Variants in CELSR2 observed in about 807,000 individuals in gnomAD.
CELSR2 encodes cadherin EGF LAG seven-pass G-type receptor 2, also known as EGF-like protein 2.
Under a neutral mutation model 251.6 loss-of-function variants are expected in CELSR2, and 81 were observed. That is an observed-to-expected ratio of 0.32 (90% confidence interval 0.27 to 0.39). CELSR2 has a LOEUF of 0.39. CELSR2 is among the 10% of genes least tolerant of loss of function. CELSR2 has a pLI of 1.00. For missense variants in CELSR2, 3,365 were observed against 3,947.7 expected (o/e 0.85, Z 3.96); for synonymous variants, 1,721 against 1,670.5 (o/e 1.03, Z -0.74).
chr1:109,262,765 C>A (rs1275768689), intron 6 of CELSR2, 41 bp from the exon 7 acceptor site: 1 of 1,598,248 alleles, frequency 6.3e-7, no homozygotes, highest in Admixed American at 1.7e-5. Context: ...ACCAGAAGCT[C>A]CCAGCCCTCC....
intron 24 of CELSR2, 79 bp from the exon 25 acceptor site, chr1:109,270,848 G>A (rs1656350154): frequency 1.8e-6 from 2 of 1,111,216 alleles, no homozygotes; most frequent in South Asian, 1.4e-5. Flanking sequence ...GCCTGGCCCT[G>A]TGAGCCCACC....
rs1175259244 is a variant in CELSR2, at chr1:109,264,462, G to T, written c.5298G>T (p.Arg1766=). ...GCTCCTGTCCCTCCCAGGGTGTGCG[G>T]GTGAGCGATACGCCGGAGGGGGTTA... ...RGFRGCLQGV[R]VSDTPEGVNS... The change falls in exon 11 of 34, where the codon CGG becomes CGT. Residue 1766 remains arginine, a synonymous_variant. Coordinates refer to ENST00000271332, the MANE Select transcript of CELSR2 (RefSeq NM_001408.3). 6.2e-7 allele frequency: 1 copy of T among 1,612,900 alleles called. No homozygotes were observed. Among genetic ancestry groups the T allele is most frequent in the Non-Finnish European group, 8.5e-7 (1 of 1,179,070 alleles).
At chr1:109,270,811 TG>T in intron 24 of CELSR2, 115 bp from the exon 25 acceptor site, 1 of 986,076 alleles carries the variant, frequency 1.0e-6, no homozygotes, top group Non-Finnish European at 1.5e-6. Flanking sequence ...GGGCCGATGG[TG>T]GGCAGAACCC....
chr1:109,256,950 G>A (rs900775179), intron 1 of CELSR2, among the ~76,000 whole-genome samples: 52 of 152,032 alleles, frequency 3.4e-4, no homozygotes, highest in African/African-American at 1.2e-3. Flanking sequence ...GAGCCACTGC[G>A]CCCGGCCCCC....
At chr1:109,260,961 G>A in intron 2 of CELSR2, 81 bp from the exon 3 acceptor site, 1 of 1,070,530 alleles carries the variant, frequency 9.3e-7, no homozygotes, top group East Asian at 2.4e-5. Context: ...GGCCATGGGA[G>A]CTATCACTGG....
intron 15 of CELSR2, among the ~76,000 whole-genome samples, chr1:109,266,874 C>T (rs1656211144): frequency 6.7e-6 from 1 of 150,344 alleles, no homozygotes; most frequent in South Asian, 2.1e-4. Flanking sequence ...CGTGTGCTAC[C>T]ATGCCCAGCT....
rs746669073 is a variant in CELSR2, at chr1:109,264,164, C to T, written c.5088C>T (p.Asp1696=). ...SLRLEPGRAN[D]GDWHHAQLAL... is the part of the protein sequence containing the mutation. Reference sequence around the variant, plus strand: ...GTCTGGAGCCAGGCCGGGCCAATGACGGTGACTGGCACCATGCACAGCTGG... The same window carrying T: ...GTCTGGAGCCAGGCCGGGCCAATGATGGTGACTGGCACCATGCACAGCTGG... Residue 1696 remains aspartate (D), a synonymous_variant, in exon 10 of 34, where the codon GAC becomes GAT. Transcript: ENST00000271332. 25 of 1,611,206 alleles carry T rather than the reference C, an allele frequency of 1.6e-5. No homozygotes were observed. Among genetic ancestry groups the T allele is most frequent in the South Asian group, 1.1e-4 (10 of 91,060 alleles).
Position 109,271,378 on chromosome 1 carries a change from A to G in CELSR2, c.7677-8A>G, listed in dbSNP as rs200530520. On this transcript the variant is annotated splice_region_variant and splice_polypyrimidine_tract_variant and intron_variant, in intron 26 of 33. Coordinates refer to ENST00000271332, the MANE Select transcript of CELSR2 (RefSeq NM_001408.3). ...ATGGCCGGACTCATGGCCTGTCCCT[A>G]TCCCCAGCTCGGGCCTGCAGCCCTC... is the stretch of plus-strand genomic sequence containing the variant. 233 of 1,609,896 alleles carry G rather than the reference A, an allele frequency of 1.4e-4. No homozygotes were observed. In the African/African-American group the frequency reaches 3.0e-3, roughly 21 times the overall value.
Position 109,251,264 on chromosome 1 carries a change from T to G in CELSR2, c.1185T>G (p.Asn395Lys). Residue 395 changes from asparagine (N) to lysine (K), a missense_variant, in exon 1 of 34, where the codon AAT (asparagine) becomes AAG (lysine). By Grantham distance (94) the Asn-to-Lys change is moderately conservative (BLOSUM62 0). Transcript: ENST00000271332. The surrounding 1 kb of genome is among the most constrained non-coding windows in gnomAD (Gnocchi z 4.9). Reference protein sequence around the residue: ...VFLSVEDDNDNAPQFSEKRYV... With the variant: ...VFLSVEDDNDKAPQFSEKRYV... ...TTTCTGTGGAGGATGACAATGATAA[T>G]GCCCCCCAGTTTAGTGAGAAGCGCT... 6.2e-7 allele frequency: 1 copy of G among 1,613,990 alleles called. No homozygotes were observed. Among genetic ancestry groups the G allele is most frequent in the South Asian group, 1.1e-5 (1 of 91,070 alleles).
In CELSR2 at chr1:109,273,030, G is replaced by A. The variant is rs747270837; in HGVS notation, c.8338+3G>A. The A allele has an allele frequency of 1.9e-6, 3 of 1,607,906 alleles. No homozygotes were observed. Among genetic ancestry groups the A allele is most frequent in the Non-Finnish European group, 2.6e-6 (3 of 1,176,432 alleles). On this transcript the variant is annotated splice_donor_region_variant and intron_variant, in intron 31 of 33. Coordinates refer to ENST00000271332, the MANE Select transcript of CELSR2 (RefSeq NM_001408.3). ...GCCCCTGCACAGTACTCCCAAGGGTGGGCCAGCACTGGGGCTGTGGCCTTT... is the reference window on the plus strand; with the variant it reads ...GCCCCTGCACAGTACTCCCAAGGGTAGGCCAGCACTGGGGCTGTGGCCTTT...
chr1:109,272,660 C>G lies in CELSR2; in HGVS notation c.8075C>G (p.Pro2692Arg). ...CCTAGGGAGGAGTCCGCACTGAACC[C>G]TGGCCAAGGGCCCCCTGGCCTGGGG... ...FLLREESALN[P>R]GQGPPGLGDP... Residue 2692 changes from proline (P) to arginine (R), a missense_variant, in exon 30 of 34, where the codon CCT becomes CGT. By Grantham distance (103) the Pro-to-Arg change is moderately radical. Around this residue, in one of 5 missense-constraint regions of CELSR2, gnomAD observed 2,093 missense variants for 2,382.8 expected, o/e 0.88. Transcript: ENST00000271332. 6.2e-7 allele frequency: 1 copy of G among 1,613,682 alleles called. No individual in the cohort carries two copies. Among genetic ancestry groups the G allele is most frequent in the Non-Finnish European group, 8.5e-7 (1 of 1,179,906 alleles).
In CELSR2 at chr1:109,251,347, C is replaced by G; in HGVS notation, c.1268C>G (p.Ala423Gly). 1 of 1,614,130 alleles carries G rather than the reference C, an allele frequency of 6.2e-7. No individual in the cohort carries two copies. The highest frequency in any genetic ancestry group is 8.5e-7 in the Non-Finnish European group (1 of 1,180,018). Residue 423 changes from alanine (A) to glycine (G), a missense_variant, in exon 1 of 34, where the codon GCC becomes GGC. By Grantham distance (60) the Ala-to-Gly change is moderately conservative. Coordinates refer to ENST00000271332, the MANE Select transcript of CELSR2 (RefSeq NM_001408.3). The surrounding 1 kb of genome is among the most constrained non-coding windows in gnomAD (Gnocchi z 4.9). ...GGGGCCCCAGTACTCCGAGTCACAG[C>G]CTCGGATCGAGACAAGGGGAGCAAT... ...TPGAPVLRVTASDRDKGSNAV... is the reference protein window; with the variant it reads ...TPGAPVLRVTGSDRDKGSNAV...
At position 109,252,317 on chromosome 1, in the gene CELSR2, C is replaced by T; in HGVS notation, c.2238C>T (p.Arg746=). The change falls in exon 1 of 34, where the codon CGC becomes CGT. Residue 746 remains arginine (R), a synonymous_variant. Coordinates refer to ENST00000271332, the MANE Select transcript of CELSR2 (RefSeq NM_001408.3). This position sits in a 1 kb window ranked among gnomAD's most constrained non-coding sequence, Gnocchi z 4.8. ...ATGAGGACACAGGTGAGAATGCCCG[C>T]ATCACCTACTTCATGGAGGACAGCA... The part of the protein sequence containing the change: ...ATDEDTGENA[R]ITYFMEDSIP... 6.2e-7 allele frequency: 1 copy of T among 1,613,194 alleles called. No individual in the cohort carries two copies. The highest frequency in any genetic ancestry group is 8.5e-7 in the Non-Finnish European group (1 of 1,180,030).
In CELSR2 at chr1:109,270,959, G is replaced by A. The variant is rs770344408; in HGVS notation, c.7516G>A (p.Gly2506Arg). Residue 2506 changes from glycine to arginine, a missense_variant, in exon 25 of 34, where the codon GGG becomes AGG. Coordinates refer to ENST00000271332, the MANE Select transcript of CELSR2 (RefSeq NM_001408.3). ...CGTGGGCCTGGACCCCGAGGGCTAC[G>A]GGAACCCTGACTTCTGCTGGCTCTC... The part of the protein sequence containing the change: ...LAVGLDPEGY[G>R]NPDFCWLSIY... The A allele has an allele frequency of 2.0e-5, 33 of 1,613,782 alleles. No individual in the cohort carries two copies. The highest frequency in any genetic ancestry group is 5.0e-5 in the Admixed American group (3 of 59,988).
intron 15 of CELSR2, 29 bp downstream of exon 15, chr1:109,266,235 C>G (rs201870419): frequency 4.9e-5 from 79 of 1,612,238 alleles, no homozygotes; most frequent in Admixed American, 6.7e-5. Flanking sequence ...GATGTGATGT[C>G]GAGGACATGG....
rs1195913633 is a variant in CELSR2 at position 109,261,117 on chromosome 1, A to G, written c.4034A>G (p.Asn1345Ser). The change falls in exon 3 of 34, where the codon AAC becomes AGC. Residue 1345 changes from asparagine (N) to serine (S), a missense_variant. Physicochemically the swap from Asn to Ser is conservative, Grantham distance 46. Transcript: ENST00000271332. This position sits in a 1 kb window ranked among gnomAD's most constrained non-coding sequence, Gnocchi z 4.8. Reference sequence around the variant, plus strand: ...TGCAAGAATGGGGGCACCTGTGTCAACCTGCTGGTGGGCGGTTTCAAGTGC... The same window carrying G: ...TGCAAGAATGGGGGCACCTGTGTCAGCCTGCTGGTGGGCGGTTTCAAGTGC... ...GVCKNGGTCV[N>S]LLVGGFKCDC... 2.5e-6 allele frequency: 4 copies of G among 1,613,954 alleles called. No homozygotes were observed. The highest frequency in any genetic ancestry group is 3.4e-6 in the Non-Finnish European group (4 of 1,180,010).
intron 1 of CELSR2, among the ~76,000 whole-genome samples, chr1:109,254,283 G>C (rs1287972524): frequency 1.3e-5 from 2 of 152,010 alleles, no homozygotes; most frequent in Admixed American, 6.5e-5. Context: ...AGACCCCAAG[G>C]CACCTTATCT....
chr1:109,265,977 C>CG, intron 14 of CELSR2, 59 bp downstream of exon 14: 1 of 1,582,566 alleles, frequency 6.3e-7, no homozygotes, highest in Admixed American at 1.7e-5. Context: ...ACCTGCACCC[C>CG]AGGAAAGCCA....
rs762312152 is a variant in CELSR2, at chr1:109,268,616, A to G, written c.6354A>G (p.Thr2118=). 83 of 1,613,452 alleles carry G rather than the reference A, an allele frequency of 5.1e-5. No homozygotes were observed. The highest frequency in any genetic ancestry group is 6.9e-5 in the Non-Finnish European group (81 of 1,179,870). Residue 2118 remains threonine, a synonymous_variant, in exon 18 of 34, where the codon ACA becomes ACG. Coordinates refer to ENST00000271332, the MANE Select transcript of CELSR2 (RefSeq NM_001408.3). ...GGGTGGGCAGCGCCCTCCTGGACAC[A>G]GCCAACAAGCGGCACTGGGAGCTGA... is the stretch of plus-strand genomic sequence containing the variant. The part of the protein sequence containing the change: ...LLRVGSALLD[T]ANKRHWELIQ...
Sources: gnomAD v4.1 joint callset for allele counts (sites outside exome capture counted in the v4.1 genomes callset) on GRCh38, gnomAD v4.1.1 for gene constraint, gnomAD v4.1.1 regional missense constraint, Gnocchi (gnomAD v3.1) non-coding constraint, MANE v1.5 for transcripts, NCBI Gene and HGNC (gene_info 2026-07-23, HGNC 2026-07-21) for gene names.